ZNF423: variants seen among roughly 807,000 people sequenced by gnomAD.
The protein encoded by ZNF423 is zinc finger protein 423, also known as Ebf-associated zinc finger protein.
Under a neutral mutation model 95.8 loss-of-function variants are expected in ZNF423, and 12 were observed. The ratio of observed to expected loss-of-function variants is 0.13; its 90% CI spans 0.08 to 0.20. The LOEUF (loss-of-function observed/expected upper bound fraction) is 0.20, where lower values mean the gene tolerates loss of function less well. ZNF423 is among the 10% of genes least tolerant of loss of function. The pLI is 1.00. For synonymous variants in ZNF423, 749 were observed against 711.9 expected (o/e 1.05, Z -0.83); for missense variants, 1,316 against 1,737.1 (o/e 0.76, Z 4.31).
chr16:49,543,706 C>T (rs539755832), intron 5 of ZNF423, among the ~76,000 whole-genome samples: 2 of 152,210 alleles, frequency 1.3e-5, no homozygotes, highest in African/African-American at 4.8e-5. Context: ...CCCTGTCGCC[C>T]GCTGAGCCTA....
chr16:49,809,364 G>C (rs770076372), intron 1 of ZNF423, among the ~76,000 whole-genome samples: 4 of 152,200 alleles, frequency 2.6e-5, no homozygotes, highest in African/African-American at 7.2e-5. Flanking sequence ...GGCATAGGCT[G>C]CAGTGGTCCC....
At chr16:49,575,320 C>T (rs1489291009) in intron 5 of ZNF423, among the ~76,000 whole-genome samples, 1 of 152,110 alleles carries the variant, frequency 6.6e-6, no homozygotes, top group Non-Finnish European at 1.5e-5. Context: ...GTAATAATTC[C>T]ACGGGGAGTC....
At chr16:49,709,744 T>A (rs1185387271) in intron 3 of ZNF423, among the ~76,000 whole-genome samples, 1 of 152,090 alleles carries the variant, frequency 6.6e-6, no homozygotes, top group Non-Finnish European at 1.5e-5. Flanking sequence ...CAACATAGCT[T>A]ATTAGTCCCT....
rs34214571 is a variant in ZNF423 at position 49,637,266 on chromosome 16, T to C, written c.1910A>G (p.Asn637Ser). The C allele has an allele frequency of 0.029, 47,245 of 1,614,178 alleles. 883 individuals carry two copies. Among genetic ancestry groups the C allele is most frequent in the Middle Eastern group, 0.084 (509 of 6,062 alleles). ...RLSASANSISNGEYPCNQCDL... is the reference protein window; with the variant it reads ...RLSASANSISSGEYPCNQCDL... ...GCATTGATTGCAAGGATACTCCCCA[T>C]TGGAGATGGAGTTGGCGCTTGCTGA... is the stretch of plus-strand genomic sequence containing the variant. The change falls in exon 4 of 8, where the codon AAT (asparagine) becomes AGT (serine). Residue 637 changes from asparagine (N) to serine (S), a missense_variant. Physicochemically the swap from Asn to Ser is conservative, Grantham distance 46 (BLOSUM62 1). Around this residue, in one of 6 missense-constraint regions of ZNF423, gnomAD observed 620 missense variants for 775.6 expected, o/e 0.80. Transcript: ENST00000563137. This position sits in a 1 kb window ranked among gnomAD's most constrained non-coding sequence, Gnocchi z 5.6.
At chr16:49,704,226 GA>G (rs2143026673) in intron 3 of ZNF423, among the ~76,000 whole-genome samples, 1 of 152,196 alleles carries the variant, frequency 6.6e-6, no homozygotes, top group Admixed American at 6.5e-5. Context: ...GAGAAGGGAA[GA>G]ATCTTCGCTA....
At chr16:49,599,085 A>G (rs750981568) in intron 5 of ZNF423, among the ~76,000 whole-genome samples, 10 of 152,188 alleles carry the variant, frequency 6.6e-5, no homozygotes, top group Non-Finnish European at 1.5e-4. Flanking sequence ...AACTGTACAC[A>G]TGTGTGTGCA....
chr16:49,632,728 G>C (rs1376873145), intron 4 of ZNF423, among the ~76,000 whole-genome samples: 1 of 152,218 alleles, frequency 6.6e-6, no homozygotes, highest in Non-Finnish European at 1.5e-5. Context: ...TGTTGCTACA[G>C]AGATGACCTA....
rs117745801 is a variant in ZNF423 at position 49,581,862 on chromosome 16, G to A, written c.3601+44308C>T. ...CAGACAGGCACTCAGCTTAAAAAAC[G>A]GGACCTGCCAACCCGGGTTTCTGTC... is the stretch of plus-strand genomic sequence containing the variant. On this transcript the variant is annotated intron_variant, in intron 5 of 7. Transcript: ENST00000563137. Among the ~76,000 whole-genome samples, 1,380 of 152,172 alleles carry A rather than the reference G, an allele frequency of 9.1e-3. 8 individuals are homozygous for A. Among genetic ancestry groups the A allele is most frequent in the Non-Finnish European group, 0.015 (988 of 68,020 alleles).
At chr16:49,828,611 C>T (rs1018987350) in intron 1 of ZNF423, among the ~76,000 whole-genome samples, 1 of 152,234 alleles carries the variant, frequency 6.6e-6, no homozygotes, top group African/African-American at 2.4e-5. Context: ...AGACCAAACC[C>T]TGTTGGGGAA....
rs142466790 is a variant in ZNF423, at chr16:49,545,584, A to G, written c.3602-20090T>C. On this transcript the variant is annotated intron_variant, in intron 5 of 7. Coordinates refer to ENST00000563137, the MANE Select transcript of ZNF423 (RefSeq NM_001379286.1). ...CGACAGAAAAGCAACCCCAGACTGCAGTGGTAGCTCATGCTGAAACAATTC... is the reference window on the plus strand; with the variant it reads ...CGACAGAAAAGCAACCCCAGACTGCGGTGGTAGCTCATGCTGAAACAATTC... 5.3e-3 allele frequency among the ~76,000 whole-genome samples: 810 copies of G among 152,346 alleles called. 1 individual carries two copies. Among genetic ancestry groups the G allele is most frequent in the Non-Finnish European group, 8.5e-3 (581 of 68,034 alleles).
intron 5 of ZNF423, among the ~76,000 whole-genome samples, chr16:49,567,231 TG>T (rs2151779914): frequency 6.6e-6 from 1 of 152,298 alleles, no homozygotes; most frequent in African/African-American, 2.4e-5. Context: ...CCTGTGAAGC[TG>T]TGATGAGCTA....
rs1373507206 is a variant in ZNF423 at position 49,492,032 on chromosome 16, C to G, written c.3850-728G>C. Among the ~76,000 whole-genome samples the G allele has an allele frequency of 6.6e-6, 1 of 152,174 alleles. No homozygotes were observed. ...CAGGGCCCAGGTGGGACCCTGTGGCCAAATGTTTCCCTCTCATTACAGTCA... is the reference window on the plus strand; with the variant it reads ...CAGGGCCCAGGTGGGACCCTGTGGCGAAATGTTTCCCTCTCATTACAGTCA... On this transcript the variant is annotated intron_variant, in intron 7 of 7. Transcript: ENST00000563137. The surrounding 1 kb of genome is among the most constrained non-coding windows in gnomAD (Gnocchi z 4.2).
chr16:49,539,677 TG>T (rs1969182810), intron 5 of ZNF423, among the ~76,000 whole-genome samples: 1 of 152,058 alleles, frequency 6.6e-6, no homozygotes, highest in South Asian at 2.1e-4. Context: ...GTGGTGGGTG[TG>T]GGGGGTGTGA....
chr16:49,605,391 C>A (rs1971506023), intron 5 of ZNF423, among the ~76,000 whole-genome samples: 1 of 152,266 alleles, frequency 6.6e-6, no homozygotes, highest in Non-Finnish European at 1.5e-5. Flanking sequence ...GTCTGTCCCT[C>A]TCAAAGCCTC....
chr16:49,849,954 T>C (rs1451930801), intron 1 of ZNF423, among the ~76,000 whole-genome samples: 3 of 152,232 alleles, frequency 2.0e-5, no homozygotes, highest in Admixed American at 6.5e-5. Flanking sequence ...GATATTACCA[T>C]CATGCTTTTA....
intron 3 of ZNF423, among the ~76,000 whole-genome samples, chr16:49,710,033 T>G (rs1324548493): frequency 6.6e-6 from 1 of 152,136 alleles, no homozygotes; most frequent in Admixed American, 6.5e-5. Context: ...GGAACAGTCC[T>G]CAGAATGAAG....
At chr16:49,776,749 C>G (rs2034128308) in intron 2 of ZNF423, among the ~76,000 whole-genome samples, 1 of 152,236 alleles carries the variant, frequency 6.6e-6, no homozygotes. Flanking sequence ...GTCAGCCCAG[C>G]ACTGGGCCCA....
rs1428358309 is a variant in ZNF423 at position 49,487,941 on chromosome 16, A to G, written c.*3334T>C. ...CAGCTTCTGGCTTTGCCATCACGGC[A>G]CTCATGACCAGGTGTGGCTATGCAT... On this transcript the variant is annotated 3_prime_UTR_variant, in exon 8 of 8. Transcript: ENST00000563137. The G allele has an allele frequency of 6.6e-6, 1 of 152,158 alleles. No individual in the cohort carries two copies. Among genetic ancestry groups the G allele is most frequent in the Admixed American group, 6.5e-5 (1 of 15,286 alleles). The allele number at this position is 152,158 out of a possible 1,614,324, so 9.4% of individuals were successfully genotyped here.
At chr16:49,649,636 A>G (rs1596789703) in intron 3 of ZNF423, among the ~76,000 whole-genome samples, 1 of 109,268 alleles carries the variant, frequency 9.2e-6, no homozygotes, top group East Asian at 3.5e-4. Context: ...ACTGCTTTGA[A>G]GTACACACAC....
Sources: gnomAD v4.1 joint callset for allele counts (sites outside exome capture counted in the v4.1 genomes callset) on GRCh38, gnomAD v4.1.1 for gene constraint, gnomAD v4.1.1 regional missense constraint, Gnocchi (gnomAD v3.1) non-coding constraint, MANE v1.5 for transcripts, NCBI Gene and HGNC (gene_info 2026-07-23, HGNC 2026-07-21) for gene names.